RBFOX1: variants seen among roughly 807,000 people sequenced by gnomAD.
RBFOX1 encodes RNA binding protein fox-1 homolog 1.
A neutral mutation model predicts 57.7 loss-of-function variants in RBFOX1; 8 were observed. That is an observed-to-expected ratio of 0.14 (90% CI 0.08 to 0.25). The LOEUF is 0.25. Among genes scored for constraint, RBFOX1 ranks in the 10% least tolerant of loss-of-function variants. The pLI is 1.00. For synonymous variants in RBFOX1, 326 were observed against 222.4 expected (o/e 1.47, Z -4.15); for missense variants, 611 against 548.5 (o/e 1.11, Z -1.14).
chr16:6,210,377 A>AAAAAAAAAG, intron 1 of RBFOX1, among the ~76,000 whole-genome samples: 1 of 128,436 alleles, frequency 7.8e-6, no homozygotes, highest in Non-Finnish European at 1.7e-5. Context: ...AAAAAAAAAA[A>AAAAAAAAAG]AGAGAAAGGA....
At chr16:7,296,907 C>T (rs541628021) in intron 4 of RBFOX1, among the ~76,000 whole-genome samples, 5 of 152,184 alleles carry the variant, frequency 3.3e-5, no homozygotes, top group African/African-American at 1.2e-4. Flanking sequence ...TCCTGTGTTT[C>T]TGTTTACCCT....
intron 1 of RBFOX1, among the ~76,000 whole-genome samples, chr16:5,376,555 T>A (rs28535218): frequency 0.036 from 5,494 of 151,968 alleles, 347 homozygotes; most frequent in African/African-American, 0.13. Context: ...AGGCAGTTGA[T>A]GAAGGAAGGG....
intron 4 of RBFOX1, among the ~76,000 whole-genome samples, chr16:7,066,265 G>C (rs2056005084): frequency 6.6e-6 from 1 of 152,164 alleles, no homozygotes; most frequent in Non-Finnish European, 1.5e-5. Flanking sequence ...ATATTCACTT[G>C]TTTTGACAAA....
intron 1 of RBFOX1, among the ~76,000 whole-genome samples, chr16:6,249,700 A>G (rs749349409): frequency 6.6e-6 from 1 of 151,644 alleles, no homozygotes; most frequent in Non-Finnish European, 1.5e-5. Flanking sequence ...TGATGACATG[A>G]TTTTAATCTT....
intron 1 of RBFOX1, among the ~76,000 whole-genome samples, chr16:5,409,037 T>G (rs552744523): frequency 6.6e-6 from 1 of 152,276 alleles, no homozygotes; most frequent in South Asian, 2.1e-4. Flanking sequence ...TGTGGCTATC[T>G]CACGCTGTTG....
rs182690097 is a variant in RBFOX1 at position 6,382,769 on chromosome 16, A to G, written c.-64+65712A>G. ...CAGCTACTTGGGAGGCTGAGGCAGG[A>G]GAATTCCTTGAACTCAGGAGGTGGA... On this transcript the variant is annotated intron_variant, in intron 2 of 15. Transcript: ENST00000550418. 2.1e-3 allele frequency among the ~76,000 whole-genome samples: 313 copies of G among 152,312 alleles called. 2 individuals carry two copies. Among genetic ancestry groups the G allele is most frequent in the African/African-American group, 7.3e-3 (303 of 41,576 alleles).
At chr16:6,585,951 C>A (rs1349974568) in intron 2 of RBFOX1, among the ~76,000 whole-genome samples, 2 of 152,112 alleles carry the variant, frequency 1.3e-5, no homozygotes, top group Non-Finnish European at 2.9e-5. Context: ...TGTCCAGATA[C>A]CTTTAAACAA....
At position 5,953,662 on chromosome 16, in the gene RBFOX1, GC is replaced by G. The variant is rs540761902; in HGVS notation, c.351+86329del. ...TAATCTCATCCAGGTTGCTGCGAAT[GC>G]CATTCATTCATTCATTTTTAGGGCT... On this transcript the variant is annotated intron_variant, in intron 4 of 19. Transcript: ENST00000641259. Among the ~76,000 whole-genome samples the G allele has an allele frequency of 1.5e-3, 229 of 151,372 alleles. 2 individuals are homozygous for G. Among genetic ancestry groups the G allele is most frequent in the African/African-American group, 5.3e-3 (219 of 41,294 alleles).
rs183119947 is a variant in RBFOX1 at position 6,194,990 on chromosome 16, T to C, written c.-126-122005T>C. On this transcript the variant is annotated intron_variant, in intron 1 of 15. Transcript: ENST00000550418. ...ACTCTGTGATGAATCTTTTAGTTCA[T>C]TCTTTTTTAATTCATGAAGTCTGCA... is the stretch of plus-strand genomic sequence containing the variant. Among the ~76,000 whole-genome samples, 3 of 152,326 alleles carry C rather than the reference T, an allele frequency of 2.0e-5. No individual in the cohort carries two copies. In the East Asian group the frequency reaches 5.8e-4, roughly 29 times the overall value.
At chr16:7,519,545 A>G (rs1484800088) in intron 5 of RBFOX1, 1 of 242,756 alleles carries the variant, frequency 4.1e-6, no homozygotes, top group African/African-American at 2.3e-5. Flanking sequence ...ATATAACTCT[A>G]AATGAAAATA....
At chr16:5,400,792 C>T (rs536685888) in intron 1 of RBFOX1, among the ~76,000 whole-genome samples, 2 of 152,074 alleles carry the variant, frequency 1.3e-5, no homozygotes, top group South Asian at 2.1e-4. Context: ...TTCCCCACCC[C>T]CAACAGGTCT....
Position 5,284,756 on chromosome 16 carries a change from A to ATTTTTTTTTTTTTTTTT in RBFOX1, c.219+44661_219+44677dup, listed in dbSNP as rs1166998032. On this transcript the variant is annotated intron_variant, in intron 1 of 2. Transcript: ENST00000585867. ...GCTGGGTATAGTAGTTTTGGCTTAG[A>ATTTTTTTTTTTTTTTTT]TTTTTTTTTTTTTTTTTTTTTTTTT... Among the ~76,000 whole-genome samples the ATTTTTTTTTTTTTTTTT allele has an allele frequency of 5.7e-4, 35 of 61,048 alleles. 2 individuals carry two copies. Among genetic ancestry groups the ATTTTTTTTTTTTTTTTT allele is most frequent in the African/African-American group, 8.0e-4 (13 of 16,280 alleles). 40.0% of individuals were successfully genotyped at this position (61,048 alleles called of 152,430 possible). A position where few individuals can be genotyped will look rare whatever the true frequency, so the allele number is the denominator to read the frequency against.
chr16:6,139,570 CA>C (rs1171163710), intron 1 of RBFOX1, among the ~76,000 whole-genome samples: 1 of 152,072 alleles, frequency 6.6e-6, no homozygotes, highest in African/African-American at 2.4e-5. Context: ...GTGTTTGAAA[CA>C]AAAAAACACA....
At chr16:6,009,822 G>GTGTGTGTGTGTGTGTGTC in intron 4 of RBFOX1, among the ~76,000 whole-genome samples, 1 of 151,928 alleles carries the variant, frequency 6.6e-6, no homozygotes, top group Non-Finnish European at 1.5e-5. Flanking sequence ...GTGTCTGTGT[G>GTGTGTGTGTGTGTGTGTC]TGTGTGTGTG....
At chr16:7,603,109 C>A (rs2095125866) in intron 9 of RBFOX1, among the ~76,000 whole-genome samples, 1 of 152,120 alleles carries the variant, frequency 6.6e-6, no homozygotes, top group Non-Finnish European at 1.5e-5. Flanking sequence ...TAATAAACGC[C>A]TACATCAAAA....
At chr16:6,469,846 T>G (rs1237743349) in intron 2 of RBFOX1, among the ~76,000 whole-genome samples, 1 of 152,184 alleles carries the variant, frequency 6.6e-6, no homozygotes, top group African/African-American at 2.4e-5. Flanking sequence ...ATCCTACAGT[T>G]CCCTTCAAGA....
At chr16:6,669,181 A>C (rs1397253209) in intron 3 of RBFOX1, among the ~76,000 whole-genome samples, 1 of 152,170 alleles carries the variant, frequency 6.6e-6, no homozygotes, top group Non-Finnish European at 1.5e-5. Context: ...CCATCTCAGC[A>C]AGTAGGTTGC....
intron 1 of RBFOX1, among the ~76,000 whole-genome samples, chr16:5,444,501 G>C (rs1316551771): frequency 6.6e-6 from 1 of 152,158 alleles, no homozygotes; most frequent in African/African-American, 2.4e-5. Flanking sequence ...CTAGGCAGAC[G>C]TCAGCTCTGC....
At chr16:5,827,564 T>G (rs1196287804) in intron 3 of RBFOX1, among the ~76,000 whole-genome samples, 1 of 152,052 alleles carries the variant, frequency 6.6e-6, no homozygotes, top group Non-Finnish European at 1.5e-5. Flanking sequence ...AGTAACTGTT[T>G]TAGGCTTTCT....
Sources: allele counts gnomAD v4.1 joint callset (sites outside exome capture counted in the v4.1 genomes callset), GRCh38; gene constraint gnomAD v4.1.1; transcripts MANE v1.5; gene names NCBI Gene and HGNC (gene_info 2026-07-23, HGNC 2026-07-21).